The following ZZEF1 variants were observed in gnomAD, a reference collection of about 807,000 sequenced individuals.
The protein encoded by ZZEF1 is zinc finger ZZ-type and EF-hand domain-containing protein 1.
ZZEF1 carries 157 observed loss-of-function variants against 342.8 expected under a neutral mutation model. The ratio of observed to expected loss-of-function variants is 0.46; its 90% confidence interval spans 0.40 to 0.52. The LOEUF (loss-of-function observed/expected upper bound fraction) is 0.52. ZZEF1 is among the 20% of genes least tolerant of loss of function. The pLI is 0.00. For synonymous variants in ZZEF1, 1,505 were observed against 1,429.1 expected, an observed-to-expected ratio of 1.05 and a Z score of -1.20; for missense variants, 3,480 against 3,725.6, an observed-to-expected ratio of 0.93 and a Z score of 1.72.
chr17:4,074,000 TG>T (rs1421927345), intron 24 of ZZEF1, 149 bp downstream of exon 24: 8 of 887,398 alleles, frequency 9.0e-6, no homozygotes, highest in Non-Finnish European at 1.4e-5. Context: ...TGGTATTGAG[TG>T]GACACTTTAT....
At chr17:4,070,168 G>A (rs777897666) in intron 26 of ZZEF1, among the ~76,000 whole-genome samples, 8 of 152,198 alleles carry the variant, frequency 5.3e-5, no homozygotes, top group South Asian at 2.1e-4. Context: ...CTACGAAGGC[G>A]CTGCAAGCTA....
chr17:4,132,660 ATCTC>A (rs2058681071), intron 1 of ZZEF1, among the ~76,000 whole-genome samples: 1 of 118,806 alleles, frequency 8.4e-6, no homozygotes, highest in Non-Finnish European at 1.9e-5. Flanking sequence ...GTGAAACCCC[ATCTC>A]TACTAAAAAT....
intron 32 of ZZEF1, among the ~76,000 whole-genome samples, chr17:4,057,514 C>A (rs1490468884): frequency 6.6e-6 from 1 of 152,122 alleles, no homozygotes; most frequent in African/African-American, 2.4e-5. Context: ...AGGGAAAAAA[C>A]CCTTCATACA....
chr17:4,113,474 T>C (rs2058346515), intron 4 of ZZEF1, among the ~76,000 whole-genome samples: 1 of 152,090 alleles, frequency 6.6e-6, no homozygotes, highest in Admixed American at 6.6e-5. Flanking sequence ...GAGACCAGCC[T>C]GCCAACATGG....
At chr17:4,051,852 T>G in intron 35 of ZZEF1, 119 bp downstream of exon 35, 1 of 1,058,930 alleles carries the variant, frequency 9.4e-7, no homozygotes, top group Non-Finnish European at 1.3e-6. Context: ...TCTCTTTACT[T>G]TTGGTTATGT....
chr17:4,007,838 C>T (rs943993940), intron 54 of ZZEF1, among the ~76,000 whole-genome samples: 3 of 151,982 alleles, frequency 2.0e-5, no homozygotes, highest in African/African-American at 2.4e-5. Context: ...GCGGTGTGTT[C>T]GGAGACTACT....
intron 30 of ZZEF1, among the ~76,000 whole-genome samples, chr17:4,060,054 T>C (rs553882576): frequency 3.3e-5 from 5 of 152,340 alleles, no homozygotes; most frequent in South Asian, 4.1e-4. Context: ...CCCATAATCA[T>C]ACCTTAGCAA....
At chr17:4,037,574 T>C (rs1244416848) in intron 39 of ZZEF1, among the ~76,000 whole-genome samples, 1 of 152,114 alleles carries the variant, frequency 6.6e-6, no homozygotes, top group East Asian at 1.9e-4. Flanking sequence ...ACACGTTCAT[T>C]CTTTTTCTTT....
chr17:4,126,365 A>G (rs1341399843), intron 1 of ZZEF1, among the ~76,000 whole-genome samples: 1 of 152,102 alleles, frequency 6.6e-6, no homozygotes, highest in Non-Finnish European at 1.5e-5. Flanking sequence ...AAACAAACGC[A>G]TTTACCTCTG....
Position 4,109,797 on chromosome 17 carries a change from G to T in ZZEF1, c.1133C>A (p.Ala378Asp). The change falls in exon 6 of 55, where the codon GCT becomes GAT. Residue 378 changes from alanine to aspartate, a missense_variant. Physicochemically the swap from Ala to Asp is moderately radical, Grantham distance 126. Coordinates refer to ENST00000381638, the MANE Select transcript of ZZEF1 (RefSeq NM_015113.4). ...CTTCTTAACTCTCTGAAAGCCAACA[G>T]CCCTGAGACCATGAATTCTAGTGTC... ...GCDTRIHGLR[A>D]VGFQRVKKSG... The T allele has an allele frequency of 6.2e-7, 1 of 1,614,208 alleles. No homozygotes were observed. Among genetic ancestry groups the T allele is most frequent in the Non-Finnish European group, 8.5e-7 (1 of 1,180,036 alleles).
chr17:4,058,309 C>A (rs1205599041), intron 31 of ZZEF1, among the ~76,000 whole-genome samples, 154 bp from the exon 32 acceptor site: 2 of 152,190 alleles, frequency 1.3e-5, no homozygotes, highest in African/African-American at 4.8e-5. Context: ...ATACTCCACA[C>A]AAACATCCTT....
In ZZEF1 at chr17:4,064,688, G is replaced by A. The variant is rs1338891413; in HGVS notation, c.4391C>T (p.Ser1464Phe). ...QPLNKRQRTS[S>F]VVEEHFQASV... is the part of the protein sequence containing the mutation. ...GGCTTGGAAATGCTCTTCCACCACA[G>A]AGCTTGTCCTCTGACGCTTGTTGAG... Residue 1464 changes from serine to phenylalanine, a missense_variant, in exon 29 of 55, where the codon TCT becomes TTT. Transcript: ENST00000381638. 6.2e-7 allele frequency: 1 copy of A among 1,614,236 alleles called. No homozygotes were observed. Among genetic ancestry groups the A allele is most frequent in the East Asian group, 2.2e-5 (1 of 44,896 alleles).
At chr17:4,036,279 G>C (rs931192468) in intron 39 of ZZEF1, among the ~76,000 whole-genome samples, 2 of 152,144 alleles carry the variant, frequency 1.3e-5, no homozygotes, top group Non-Finnish European at 2.9e-5. Flanking sequence ...TAATTCTCAT[G>C]TGTGTGTGGG....
intron 1 of ZZEF1, among the ~76,000 whole-genome samples, chr17:4,130,435 A>G (rs1351030398): frequency 6.6e-6 from 1 of 152,180 alleles, no homozygotes; most frequent in Admixed American, 6.5e-5. Context: ...CTTGGGTGAC[A>G]GAGTAAGACT....
At chr17:4,033,765 T>C (rs949159251) in intron 40 of ZZEF1, 2 of 544,724 alleles carry the variant, frequency 3.7e-6, no homozygotes, top group Admixed American at 6.4e-5. Flanking sequence ...AAAAACAGAA[T>C]ATGCCTCATT....
intron 2 of ZZEF1, among the ~76,000 whole-genome samples, chr17:4,121,916 CT>C (rs1567860278): frequency 1.2e-4 from 18 of 152,158 alleles, no homozygotes; most frequent in African/African-American, 4.3e-4. Flanking sequence ...TGGGGTCTCA[CT>C]ATGCTGCCCT....
At chr17:4,048,553 C>T (rs1416871758) in intron 37 of ZZEF1, among the ~76,000 whole-genome samples, 1 of 152,210 alleles carries the variant, frequency 6.6e-6, no homozygotes, top group African/African-American at 2.4e-5. Flanking sequence ...GTGCCACTAT[C>T]ACAGGTTATA....
intron 18 of ZZEF1, among the ~76,000 whole-genome samples, chr17:4,079,486 A>G (rs901573814): frequency 6.6e-6 from 1 of 152,228 alleles, no homozygotes; most frequent in African/African-American, 2.4e-5. Context: ...GATGAGACTG[A>G]AGTGAGTTTT....
At chr17:4,009,061 G>T in intron 53 of ZZEF1, 107 bp from the exon 54 acceptor site, 1 of 1,346,314 alleles carries the variant, frequency 7.4e-7, no homozygotes, top group Middle Eastern at 2.6e-4. Flanking sequence ...TCTCATGGGC[G>T]GACGCTACTC....
Sources: allele counts gnomAD v4.1 joint callset (sites outside exome capture counted in the v4.1 genomes callset), GRCh38; gene constraint gnomAD v4.1.1; transcripts MANE v1.5; gene names NCBI Gene and HGNC (gene_info 2026-07-23, HGNC 2026-07-21).